WDR3: variants seen among roughly 807,000 people sequenced by gnomAD.
WDR3 encodes WD repeat-containing protein 3.
A neutral mutation model predicts 123.7 loss-of-function variants in WDR3; 81 were observed. That is an observed-to-expected ratio of 0.65 (90% CI 0.55 to 0.79). The LOEUF (loss-of-function observed/expected upper bound fraction) is 0.79, where lower values mean the gene tolerates loss of function less well. Among genes scored for constraint, WDR3 ranks in the 30% least tolerant of loss-of-function variants. WDR3 has a pLI of 0.00. For synonymous variants in WDR3, 390 were observed against 388.8 expected (o/e 1.00, Z -0.04); for missense variants, 1,027 against 1,123.2 (o/e 0.91, Z 1.22).
At chr1:117,949,637 A>G (rs998885798) in intron 13 of WDR3, 114 bp from the exon 14 acceptor site, 2 of 1,240,820 alleles carry the variant, frequency 1.6e-6, no homozygotes, top group Admixed American at 2.6e-5. Flanking sequence ...GTTTTTCTTA[A>G]TTTTTATCCC....
chr1:117,953,457 ATTTC>A lies in WDR3; in HGVS notation c.2203-15_2203-12del. On this transcript the variant is annotated splice_polypyrimidine_tract_variant and intron_variant, in intron 20 of 26. Transcript: ENST00000349139. ...CAACAGTCAACAGTGTTATTCAAGG[ATTTC>A]TTTGTTTCTGGCAGGTTCCAGGAGA... The A allele has an allele frequency of 6.2e-7, 1 of 1,611,868 alleles. No homozygotes were observed. Among genetic ancestry groups the A allele is most frequent in the South Asian group, 1.1e-5 (1 of 90,970 alleles).
At chr1:117,936,962 T>G in intron 4 of WDR3, 75 bp downstream of exon 4, 5 of 1,250,554 alleles carry the variant, frequency 4.0e-6, no homozygotes, top group Non-Finnish European at 5.8e-6. Flanking sequence ...CTCATTTCTC[T>G]CATGAGCAGT....
rs1651583694 is a variant in WDR3, at chr1:117,950,863, G to C, written c.1776G>C (p.Leu592=). 1.2e-6 allele frequency: 2 copies of C among 1,609,252 alleles called. No homozygotes were observed. The highest frequency in any genetic ancestry group is 8.5e-7 in the Non-Finnish European group (1 of 1,178,610). Residue 592 remains leucine, a synonymous_variant, in exon 16 of 27, where the codon CTG becomes CTC. Coordinates refer to ENST00000349139, the MANE Select transcript of WDR3 (RefSeq NM_006784.3). ...TTCTGTCACTGTATGGACACAAACT[G>C]CCTGTTATATGCATGGACATCTCTC... ...KFFLSLYGHK[L]PVICMDISHD...
chr1:117,953,897 CA>C, intron 21 of WDR3, 109 bp from the exon 22 acceptor site: 2 of 872,742 alleles, frequency 2.3e-6, no homozygotes, highest in Non-Finnish European at 3.6e-6. Flanking sequence ...CTTTATTAAA[CA>C]GATTGAAGCT....
intron 13 of WDR3, 37 bp from the exon 14 acceptor site, chr1:117,949,714 A>G (rs754276759): frequency 6.2e-7 from 1 of 1,602,274 alleles, no homozygotes. Context: ...TTTTTATGCT[A>G]AAATAGTTTT....
Position 117,962,085 on chromosome 1 carries a change from G to C in WDR3, c.*2638G>C, listed in dbSNP as rs1009365189. 1 of 151,460 alleles carries C rather than the reference G, an allele frequency of 6.6e-6. No homozygotes were observed. 9.4% of individuals were successfully genotyped at this position (151,460 alleles called of 1,614,324 possible). A position where few individuals can be genotyped will look rare whatever the true frequency, so the allele number is the denominator to read the frequency against. ...ATCAATAATTACTCTTATGTTAAAA[G>C]TTGCTGTTTTCCCGTAGCTTTGCCA... On this transcript the variant is annotated 3_prime_UTR_variant, in exon 27 of 27. Transcript: ENST00000349139.
At chr1:117,948,984 T>G (rs2101215975) in intron 13 of WDR3, among the ~76,000 whole-genome samples, 1 of 150,990 alleles carries the variant, frequency 6.6e-6, no homozygotes, top group South Asian at 2.1e-4. Context: ...ATCTTGAGAT[T>G]TTTTTTTTTG....
chr1:117,933,694 A>T (rs1186481562), intron 2 of WDR3: 1 of 649,796 alleles, frequency 1.5e-6, no homozygotes, highest in Admixed American at 2.3e-5. Flanking sequence ...AACCACAATG[A>T]AATAGGAGCT....
At chr1:117,944,372 G>A (rs931097451) in intron 11 of WDR3, among the ~76,000 whole-genome samples, 1 of 152,132 alleles carries the variant, frequency 6.6e-6, no homozygotes, top group South Asian at 2.1e-4. Context: ...AAGTGTTAGA[G>A]TGCTTTAGGG....
intron 1 of WDR3, among the ~76,000 whole-genome samples, chr1:117,931,210 C>T (rs556696630): frequency 7.2e-5 from 11 of 152,326 alleles, no homozygotes; most frequent in Non-Finnish European, 1.6e-4. Flanking sequence ...CAGGCATGAG[C>T]CACCATACCA....
In WDR3 at chr1:117,959,363, G is replaced by A. The variant is rs1416166567; in HGVS notation, c.2748G>A (p.Met916Ile). 3.7e-6 allele frequency: 6 copies of A among 1,613,904 alleles called. No homozygotes were observed. Among genetic ancestry groups the A allele is most frequent in the East Asian group, 2.2e-5 (1 of 44,860 alleles). The change falls in exon 27 of 27, where the codon ATG becomes ATA. Residue 916 changes from methionine (M) to isoleucine (I), a missense_variant. Coordinates refer to ENST00000349139, the MANE Select transcript of WDR3 (RefSeq NM_006784.3). ...KRECEAKSEV[M>I]FFADATSHLE... ...AATGCGAGGCAAAAAGTGAAGTTATGTTTTTTGCTGATGCTACTAGCCACT... is the reference window on the plus strand; with the variant it reads ...AATGCGAGGCAAAAAGTGAAGTTATATTTTTTGCTGATGCTACTAGCCACT...
intron 12 of WDR3, 117 bp from the exon 13 acceptor site, chr1:117,948,288 A>G: frequency 1.3e-6 from 1 of 747,572 alleles, no homozygotes; most frequent in Non-Finnish European, 2.2e-6. Flanking sequence ...CCATTTCCTA[A>G]GCAATGGATC....
At chr1:117,944,935 C>T (rs113096710) in intron 11 of WDR3, among the ~76,000 whole-genome samples, 14 of 152,230 alleles carry the variant, frequency 9.2e-5, no homozygotes, top group African/African-American at 3.1e-4. Context: ...TCAAGTGATC[C>T]ACCCATCTCG....
intron 16 of WDR3, 75 bp downstream of exon 16, chr1:117,950,965 G>A: frequency 1.7e-6 from 2 of 1,209,288 alleles, no homozygotes; most frequent in South Asian, 1.4e-5. Flanking sequence ...CTGGCTTGAT[G>A]TCTTCATCTT....
intron 17 of WDR3, 47 bp downstream of exon 17, chr1:117,952,123 T>C: frequency 6.3e-7 from 1 of 1,578,714 alleles, no homozygotes; most frequent in Non-Finnish European, 8.7e-7. Context: ...ACCTGTAAGT[T>C]ATCACTTTCC....
intron 9 of WDR3, 126 bp downstream of exon 9, chr1:117,941,973 G>C: frequency 7.1e-7 from 1 of 1,405,274 alleles, no homozygotes; most frequent in Non-Finnish European, 9.2e-7. Context: ...AAGAACTTGT[G>C]AGGTATCGAT....
At position 117,966,523 on chromosome 1, in the gene WDR3, A is replaced by C; in HGVS notation, c.*7076A>C. 43 of 1,186,524 alleles carry C rather than the reference A, an allele frequency of 3.6e-5. No homozygotes were observed. Among genetic ancestry groups the C allele is most frequent in the Non-Finnish European group, 4.3e-5 (37 of 870,324 alleles). The allele number at this position is 1,186,524 out of a possible 1,614,324, so 73.5% of individuals were successfully genotyped here. A position where few individuals can be genotyped will look rare whatever the true frequency, so the allele number is the denominator to read the frequency against. On this transcript the variant is annotated 3_prime_UTR_variant, in exon 27 of 27. Transcript: ENST00000349139. ...ATTTTGAAGATAGAATTAATAAAGT[A>C]GAGATGCATTTTGACTTCCATGTTT...
intron 26 of WDR3, 96 bp from the exon 27 acceptor site, chr1:117,959,196 C>A (rs771008473): frequency 2.1e-6 from 3 of 1,458,166 alleles, no homozygotes; most frequent in Admixed American, 2.2e-5. Context: ...AGATAAGTAA[C>A]AACACCTGAA....
At chr1:117,945,418 C>T (rs942294454) in intron 11 of WDR3, among the ~76,000 whole-genome samples, 2 of 152,168 alleles carry the variant, frequency 1.3e-5, no homozygotes, top group African/African-American at 4.8e-5. Context: ...TCCATCTTCC[C>T]CATTTATCCA....
Sources: gnomAD v4.1 joint callset for allele counts (sites outside exome capture counted in the v4.1 genomes callset) on GRCh38, gnomAD v4.1.1 for gene constraint, MANE v1.5 for transcripts, NCBI Gene and HGNC (gene_info 2026-07-23, HGNC 2026-07-21) for gene names.